Variants in SPOCK3 observed in about 807,000 individuals in gnomAD.
The protein encoded by SPOCK3 is SPARC (osteonectin), cwcv and kazal like domains proteoglycan 3.
Under a neutral mutation model 56.6 loss-of-function variants are expected in SPOCK3, and 30 were observed. The observed-to-expected ratio is 0.53, with a 90% CI of 0.40 to 0.72. The LOEUF (loss-of-function observed/expected upper bound fraction) is 0.72, where lower values mean the gene tolerates loss of function less well. Among genes scored for constraint, SPOCK3 ranks in the 30% least tolerant of loss-of-function variants. SPOCK3 has a pLI of 0.00. For synonymous variants in SPOCK3, 196 were observed against 183.3 expected (o/e 1.07, Z -0.56); for missense variants, 527 against 530.0 (o/e 0.99, Z 0.06).
chr4:166,909,921 G>A (rs1180789385), intron 5 of SPOCK3, among the ~76,000 whole-genome samples: 4 of 152,076 alleles, frequency 2.6e-5, no homozygotes, highest in Non-Finnish European at 5.9e-5. Context: ...TTTACAAGAA[G>A]GTACTGGCCT....
At chr4:166,873,905 T>A (rs1212677331) in intron 6 of SPOCK3, among the ~76,000 whole-genome samples, 1 of 152,120 alleles carries the variant, frequency 6.6e-6, no homozygotes, top group Non-Finnish European at 1.5e-5. Context: ...AGCATGTGGG[T>A]ATTCACTCAG....
Position 167,083,205 on chromosome 4 carries a change from A to G in SPOCK3, c.190-20668T>C, listed in dbSNP as rs532398395. The G allele has an allele frequency of 2.9e-5, 22 of 765,238 alleles. No individual in the cohort carries two copies. The East Asian group carries it at 5.3e-4, about 19-fold the overall frequency. The allele number at this position is 765,238 out of a possible 1,614,324, so 47.4% of individuals were successfully genotyped here. ...AGATAGCTAGTCATAGAATTGCCAC[A>G]AAATTTCTGTCGACACCCAACCCAA... On this transcript the variant is annotated intron_variant, in intron 2 of 10. Coordinates refer to ENST00000357545, the MANE Select transcript of SPOCK3 (RefSeq NM_001040159.2).
chr4:166,850,018 T>C (rs1013416999), intron 6 of SPOCK3, among the ~76,000 whole-genome samples: 2 of 152,114 alleles, frequency 1.3e-5, no homozygotes, highest in Admixed American at 1.3e-4. Flanking sequence ...ACCTTTTAAA[T>C]AATGGAAAGA....
At chr4:166,749,652 AT>A (rs1290876386) in intron 8 of SPOCK3, among the ~76,000 whole-genome samples, 1 of 151,840 alleles carries the variant, frequency 6.6e-6, no homozygotes, top group Non-Finnish European at 1.5e-5. Flanking sequence ...ATAAAAAAAA[AT>A]AAAAATAAAA....
chr4:167,219,642 A>AT (rs149575070), intron 2 of SPOCK3, among the ~76,000 whole-genome samples: 2,799 of 152,270 alleles, frequency 0.018, 94 homozygotes, highest in African/African-American at 0.063. Context: ...AACACTCAAC[A>AT]TAAAGATTTC....
At position 167,189,328 on chromosome 4, in the gene SPOCK3, T is replaced by C. The variant is rs574161987; in HGVS notation, c.189+44657A>G. Reference sequence around the variant, plus strand: ...ATCAATTAATATACCATATCATATTTAGAAATAGTTTGTCAGCTCATTACA... The same window carrying C: ...ATCAATTAATATACCATATCATATTCAGAAATAGTTTGTCAGCTCATTACA... On this transcript the variant is annotated intron_variant, in intron 2 of 10. Transcript: ENST00000357545. Among the ~76,000 whole-genome samples, 15 of 146,074 alleles carry C rather than the reference T, an allele frequency of 1.0e-4. 3 individuals carry two copies. Among genetic ancestry groups the C allele is most frequent in the South Asian group, 6.4e-4 (3 of 4,704 alleles).
chr4:167,178,856 G>A (rs116396969), intron 2 of SPOCK3, among the ~76,000 whole-genome samples: 9 of 151,864 alleles, frequency 5.9e-5, no homozygotes, highest in Non-Finnish European at 1.3e-4. Flanking sequence ...TTATAAAATG[G>A]TATATTTTTA....
chr4:167,135,772 T>C (rs985816551), intron 2 of SPOCK3, among the ~76,000 whole-genome samples: 2 of 151,618 alleles, frequency 1.3e-5, no homozygotes, highest in Admixed American at 6.6e-5. Flanking sequence ...GTTTTAGTGA[T>C]TGACTGCTGA....
chr4:166,808,431 C>T (rs1306147788), intron 6 of SPOCK3, among the ~76,000 whole-genome samples: 1 of 151,872 alleles, frequency 6.6e-6, no homozygotes, highest in Non-Finnish European at 1.5e-5. Context: ...ACTGTGGGTT[C>T]ACACAAAGAA....
At chr4:167,131,581 C>T (rs1313556062) in intron 2 of SPOCK3, among the ~76,000 whole-genome samples, 5 of 152,052 alleles carry the variant, frequency 3.3e-5, no homozygotes, top group East Asian at 1.9e-4. Context: ...CCAGCCTGGG[C>T]GACAGAGCAA....
intron 7 of SPOCK3, among the ~76,000 whole-genome samples, chr4:166,767,575 C>A (rs991547433): frequency 2.0e-5 from 3 of 152,126 alleles, no homozygotes; most frequent in Non-Finnish European, 4.4e-5. Flanking sequence ...AATTTCTGTT[C>A]TTTTACATTT....
intron 2 of SPOCK3, among the ~76,000 whole-genome samples, chr4:167,158,791 T>G (rs1242894130): frequency 6.6e-6 from 1 of 152,004 alleles, no homozygotes; most frequent in Non-Finnish European, 1.5e-5. Flanking sequence ...ATTGAAATCT[T>G]TATAATAGAT....
intron 2 of SPOCK3, among the ~76,000 whole-genome samples, chr4:167,086,346 C>G (rs1383457687): frequency 6.6e-6 from 1 of 152,012 alleles, no homozygotes; most frequent in African/African-American, 2.4e-5. Context: ...AACATACTGT[C>G]CACTCACTAA....
At chr4:166,769,296 T>G (rs1184334656) in intron 7 of SPOCK3, among the ~76,000 whole-genome samples, 2 of 152,136 alleles carry the variant, frequency 1.3e-5, no homozygotes, top group Non-Finnish European at 2.9e-5. Flanking sequence ...TTCTGCTCTG[T>G]TTTTTCCCCA....
chr4:166,742,054 G>T lies in SPOCK3; in HGVS notation c.937C>A (p.Pro313Thr), dbSNP rs1289534072. ...ATATTGCTGAGCTCAGTCTGGCAAG[G>T]TGGGTCTGCAATGACATTAAAAATG... is the stretch of plus-strand genomic sequence containing the variant. ...CYCFQRQQDPPCQTELSNIQK... is the reference protein window; with the variant it reads ...CYCFQRQQDPTCQTELSNIQK... The change falls in exon 9 of 11, where the codon CCT (proline) becomes ACT (threonine). Residue 313 changes from proline (P) to threonine (T), a missense_variant. By Grantham distance (38) the Pro-to-Thr change is conservative. Coordinates refer to ENST00000357545, the MANE Select transcript of SPOCK3 (RefSeq NM_001040159.2). 6.2e-7 allele frequency: 1 copy of T among 1,611,780 alleles called. No homozygotes were observed. Among genetic ancestry groups the T allele is most frequent in the Non-Finnish European group, 8.5e-7 (1 of 1,178,196 alleles).
intron 4 of SPOCK3, among the ~76,000 whole-genome samples, chr4:166,935,262 A>C (rs1473935305): frequency 6.6e-6 from 1 of 152,100 alleles, no homozygotes; most frequent in Non-Finnish European, 1.5e-5. Context: ...AGTTTGAGAT[A>C]ATATCTCCCT....
chr4:166,766,497 T>G (rs927384374), intron 7 of SPOCK3, among the ~76,000 whole-genome samples: 8 of 152,204 alleles, frequency 5.3e-5, no homozygotes, highest in Admixed American at 2.0e-4. Flanking sequence ...CATTTAATGA[T>G]TTGCGTACGT....
intron 2 of SPOCK3, among the ~76,000 whole-genome samples, chr4:167,197,543 C>G (rs192929418): frequency 1.2e-3 from 184 of 150,514 alleles, no homozygotes; most frequent in South Asian, 1.5e-3. Flanking sequence ...TACATAAATG[C>G]TCAAAAGTTA....
intron 4 of SPOCK3, among the ~76,000 whole-genome samples, chr4:166,929,935 G>A (rs1419772723): frequency 6.6e-6 from 1 of 151,960 alleles, no homozygotes; most frequent in African/African-American, 2.4e-5. Flanking sequence ...AAAATGTAGT[G>A]GTCTTTACTT....
Sources: gnomAD v4.1 joint callset for allele counts (sites outside exome capture counted in the v4.1 genomes callset) on GRCh38, gnomAD v4.1.1 for gene constraint, MANE v1.5 for transcripts, NCBI Gene and HGNC (gene_info 2026-07-23, HGNC 2026-07-21) for gene names.